The following FBXL13 variants were observed in gnomAD, a reference collection of about 807,000 sequenced individuals.
FBXL13 encodes F-box and leucine rich repeat protein 13.
FBXL13 carries 67 observed loss-of-function variants against 83.6 expected under a neutral mutation model. That is an observed-to-expected ratio of 0.80 (90% CI 0.66 to 0.98). The LOEUF is 0.98. Ranked by LOEUF, FBXL13 falls within the 50% of genes least tolerant of loss-of-function variation. FBXL13 has a pLI of 0.00. For missense variants in FBXL13, 822 were observed against 866.5 expected (o/e 0.95, Z 0.64); for synonymous variants, 272 against 299.5 (o/e 0.91, Z 0.95).
At chr7:103,031,703 G>T (rs1285546277) in intron 2 of FBXL13, among the ~76,000 whole-genome samples, 1 of 151,958 alleles carries the variant, frequency 6.6e-6, no homozygotes, top group African/African-American at 2.4e-5. Flanking sequence ...TTCTAGTCTG[G>T]AAATAAAAGA....
chr7:102,912,329 A>G (rs1814839295), intron 11 of FBXL13, among the ~76,000 whole-genome samples: 1 of 152,226 alleles, frequency 6.6e-6, no homozygotes, highest in Non-Finnish European at 1.5e-5. Flanking sequence ...CACCTATGCT[A>G]TTATTCTCAT....
intron 17 of FBXL13, among the ~76,000 whole-genome samples, chr7:102,847,754 C>T (rs1250577646): frequency 1.3e-5 from 2 of 152,088 alleles, no homozygotes; most frequent in African/African-American, 4.8e-5. Context: ...GTCTCAAACT[C>T]CTGGCCTCAG....
intron 2 of FBXL13, among the ~76,000 whole-genome samples, chr7:103,052,478 G>A (rs1796915054): frequency 1.3e-5 from 2 of 152,118 alleles, no homozygotes; most frequent in African/African-American, 4.8e-5. Flanking sequence ...TTCTCTGACG[G>A]TGGAGGAGAA....
At chr7:103,023,325 G>C (rs1189532933) in intron 6 of FBXL13, among the ~76,000 whole-genome samples, 1 of 152,062 alleles carries the variant, frequency 6.6e-6, no homozygotes, top group South Asian at 2.1e-4. Flanking sequence ...ACCATTAAAA[G>C]AGTGGTGAAA....
intron 2 of FBXL13, among the ~76,000 whole-genome samples, chr7:103,052,619 T>C (rs1174626290): frequency 1.3e-5 from 2 of 152,228 alleles, no homozygotes; most frequent in Non-Finnish European, 2.9e-5. Flanking sequence ...CTCATTTTTA[T>C]TATTTCCAAC....
At chr7:103,043,218 A>G (rs1795921038) in intron 2 of FBXL13, among the ~76,000 whole-genome samples, 1 of 152,254 alleles carries the variant, frequency 6.6e-6, no homozygotes, top group African/African-American at 2.4e-5. Flanking sequence ...ACATATGAAA[A>G]AAAGCTCATC....
chr7:102,900,317 T>G (rs1166018175), intron 11 of FBXL13, among the ~76,000 whole-genome samples: 1 of 152,218 alleles, frequency 6.6e-6, no homozygotes, highest in Non-Finnish European at 1.5e-5. Flanking sequence ...TTCATCGCAG[T>G]GCCCAGTATG....
intron 16 of FBXL13, among the ~76,000 whole-genome samples, chr7:102,874,578 C>T (rs1279990718): frequency 2.6e-5 from 4 of 152,076 alleles, no homozygotes; most frequent in African/African-American, 4.8e-5. Flanking sequence ...TTTCTTGAGA[C>T]AGGATCTTAC....
chr7:102,826,037 T>A (rs1308980311), intron 18 of FBXL13, among the ~76,000 whole-genome samples: 1 of 152,184 alleles, frequency 6.6e-6, no homozygotes, highest in East Asian at 1.9e-4. Flanking sequence ...CCTTTGCCAT[T>A]AATATATGTG....
chr7:102,827,623 C>A (rs1272157034), intron 18 of FBXL13, among the ~76,000 whole-genome samples: 1 of 151,514 alleles, frequency 6.6e-6, no homozygotes, highest in Non-Finnish European at 1.5e-5. Context: ...TGTGCTGCAC[C>A]CATTAACTCA....
intron 6 of FBXL13, among the ~76,000 whole-genome samples, chr7:102,983,047 G>A (rs1258850016): frequency 6.6e-6 from 1 of 152,062 alleles, no homozygotes; most frequent in Non-Finnish European, 1.5e-5. Flanking sequence ...GGAGTGTAGT[G>A]CACTTTCTCA....
At chr7:102,895,202 C>T (rs961759890) in intron 11 of FBXL13, among the ~76,000 whole-genome samples, 2 of 152,160 alleles carry the variant, frequency 1.3e-5, no homozygotes, top group African/African-American at 2.4e-5. Flanking sequence ...GGGCAAGGAA[C>T]GGCTTAGTGA....
intron 7 of FBXL13, 149 bp from the exon 9 acceptor site, chr7:102,963,814 T>G (rs1273116180): frequency 1.4e-6 from 1 of 723,634 alleles, no homozygotes; most frequent in African/African-American, 1.8e-5. Flanking sequence ...AGACAACCTA[T>G]AGAATGAGAG....
intron 6 of FBXL13, among the ~76,000 whole-genome samples, chr7:102,985,127 C>A (rs1441020597): frequency 2.0e-5 from 3 of 152,214 alleles, no homozygotes; most frequent in African/African-American, 7.2e-5. Context: ...CTGCCTGTCA[C>A]TAAGATCACC....
chr7:103,004,076 G>C (rs939804636), intron 6 of FBXL13, among the ~76,000 whole-genome samples: 5 of 152,124 alleles, frequency 3.3e-5, no homozygotes, highest in Non-Finnish European at 5.9e-5. Context: ...TTGTCTGTTT[G>C]GGAAGATCAT....
chr7:103,070,093 AAAAG>A lies in FBXL13; in HGVS notation c.-105+4149_-105+4152del, dbSNP rs1270127187. On this transcript the variant is annotated intron_variant, in intron 1 of 19. Transcript: ENST00000313221. ...GACTCTGTCTCAAAAAAAAAAAAAA[AAAAG>A]AAATTACTAGGTATGTATGAAGGCA... 2.0e-4 allele frequency among the ~76,000 whole-genome samples: 31 copies of A among 152,134 alleles called. 1 individual carries two copies. The East Asian group carries it at 5.8e-3, about 28-fold the overall frequency.
At position 102,848,420 on chromosome 7, in the gene FBXL13, G is replaced by C. The variant is rs576924782; in HGVS notation, c.1719+6357C>G. Among the ~76,000 whole-genome samples the C allele has an allele frequency of 4.0e-5, 4 of 100,078 alleles. 1 individual carries two copies. Among genetic ancestry groups the C allele is most frequent in the South Asian group, 6.5e-4 (2 of 3,066 alleles). The allele number at this position is 100,078 out of a possible 152,430, so 65.7% of individuals were successfully genotyped here. A position where few individuals can be genotyped will look rare whatever the true frequency, so the allele number is the denominator to read the frequency against. On this transcript the variant is annotated intron_variant, in intron 17 of 19. Transcript: ENST00000313221. Reference sequence around the variant, plus strand: ...AAATACAAAAAATTAGCCGGGCGTAGTGGCGGGCGCCTGTAGTCCCAGCTA... The same window carrying C: ...AAATACAAAAAATTAGCCGGGCGTACTGGCGGGCGCCTGTAGTCCCAGCTA...
At chr7:102,823,005 T>C (rs1799023360) in intron 18 of FBXL13, among the ~76,000 whole-genome samples, 1 of 152,122 alleles carries the variant, frequency 6.6e-6, no homozygotes, top group Admixed American at 6.5e-5. Flanking sequence ...AGTGCTTCAG[T>C]GAGCCGAGAT....
In FBXL13 at chr7:102,968,041, AGTTGT is replaced by A; in HGVS notation, c.567_571del (p.Gln190LysfsTer8). ...ACTTACAGCATTCCACAGTGAGTTT[AGTTGT>A]GTCATCAACATCCAGGCATGATTAA... On this transcript the variant is annotated frameshift_variant, in exon 7 of 20. Transcript: ENST00000313221. LOFTEE classifies it high-confidence loss of function. The A allele has an allele frequency of 6.2e-7, 1 of 1,613,282 alleles. No homozygotes were observed. The highest frequency in any genetic ancestry group is 1.1e-5 in the South Asian group (1 of 91,072).
Sources: gnomAD v4.1 joint callset for allele counts (sites outside exome capture counted in the v4.1 genomes callset) on GRCh38, gnomAD v4.1.1 for gene constraint, MANE v1.5 for transcripts, NCBI Gene and HGNC (gene_info 2026-07-23, HGNC 2026-07-21) for gene names.